PSD3: variants seen among roughly 807,000 people sequenced by gnomAD.
PSD3 encodes pleckstrin and Sec7 domain containing 3.
PSD3 carries 49 observed loss-of-function variants against 105.5 expected under a neutral mutation model. The ratio of observed to expected loss-of-function variants is 0.46; its 90% CI spans 0.37 to 0.59. PSD3 has a LOEUF of 0.59. Among genes scored for constraint, PSD3 ranks in the 20% least tolerant of loss-of-function variants. The pLI is 0.00. For synonymous variants in PSD3, 557 were observed against 457.8 expected (o/e 1.22, Z -2.77); for missense variants, 1,561 against 1,263.8 (o/e 1.24, Z -3.57).
Position 18,623,448 on chromosome 8 carries a change from CA to C in PSD3, c.2410+9164del, listed in dbSNP as rs1415289898. Among the ~76,000 whole-genome samples, 54 of 67,480 alleles carry C rather than the reference CA, an allele frequency of 8.0e-4. 6 individuals carry two copies. Among genetic ancestry groups the C allele is most frequent in the East Asian group, 6.6e-3 (13 of 1,964 alleles). 44.3% of individuals were successfully genotyped at this position (67,480 alleles called of 152,430 possible). On this transcript the variant is annotated intron_variant, in intron 11 of 15. Transcript: ENST00000327040. ...GCAATATAGTCAGCCCCCGTCTCCCCAAAAAAAAAAAAAAAAAAAAAAGAAA... is the reference window on the plus strand; with the variant it reads ...GCAATATAGTCAGCCCCCGTCTCCCCAAAAAAAAAAAAAAAAAAAAAGAAA...
chr8:18,683,680 G>C (rs1800504596), intron 9 of PSD3: 1 of 693,802 alleles, frequency 1.4e-6, no homozygotes, highest in Non-Finnish European at 2.6e-6. Context: ...TACTTTCTCA[G>C]TCTATCACTG....
chr8:18,765,521 C>A lies in PSD3; in HGVS notation c.2100G>T (p.Met700Ile). 6.2e-7 allele frequency: 1 copy of A among 1,610,048 alleles called. No homozygotes were observed. The highest frequency in any genetic ancestry group is 1.1e-5 in the South Asian group (1 of 90,962). ...DLHGHNIGKK[M>I]TCQEFIANLQ... Reference sequence around the variant, plus strand: ...GATTTGCAATGAACTCCTGACAGGTCATCTTCTTTCCAATATTCTGAAACA... The same window carrying A: ...GATTTGCAATGAACTCCTGACAGGTAATCTTCTTTCCAATATTCTGAAACA... Residue 700 changes from methionine (M) to isoleucine (I), a missense_variant, in exon 9 of 16, where the codon ATG (methionine) becomes ATT (isoleucine). Coordinates refer to ENST00000327040, the MANE Select transcript of PSD3 (RefSeq NM_015310.4).
intron 9 of PSD3, among the ~76,000 whole-genome samples, chr8:18,744,467 T>C (rs1241733451): frequency 6.6e-6 from 1 of 152,268 alleles, no homozygotes; most frequent in African/African-American, 2.4e-5. Context: ...GAATAAAGTA[T>C]AACTGATGTA....
At chr8:18,762,827 A>G in intron 9 of PSD3, 1 of 761,158 alleles carries the variant, frequency 1.3e-6, no homozygotes, top group Non-Finnish European at 1.8e-6. Context: ...AAATATGTCA[A>G]GGTCTATTTT....
At chr8:18,818,591 T>G (rs1456969896) in intron 4 of PSD3, among the ~76,000 whole-genome samples, 1 of 152,072 alleles carries the variant, frequency 6.6e-6, no homozygotes, top group Non-Finnish European at 1.5e-5. Context: ...ATTCAGTTAT[T>G]GGGCACAAGA....
chr8:18,556,163 A>G (rs376632156), intron 15 of PSD3, 46 bp downstream of exon 15: 4 of 1,603,632 alleles, frequency 2.5e-6, no homozygotes, highest in Non-Finnish European at 3.4e-6. Context: ...ACAGATCATA[A>G]GAAAACTCAG....
At chr8:18,991,978 A>T (rs1395897438) in intron 1 of PSD3, among the ~76,000 whole-genome samples, 1 of 152,212 alleles carries the variant, frequency 6.6e-6, no homozygotes, top group Non-Finnish European at 1.5e-5. Context: ...GAAGAAACTG[A>T]GGCTCAGAAA....
intron 13 of PSD3, 93 bp from the exon 14 acceptor site, chr8:18,572,765 G>A (rs1455034643): frequency 3.6e-6 from 5 of 1,395,182 alleles, no homozygotes; most frequent in East Asian, 2.3e-5. Flanking sequence ...GCAATGGCAT[G>A]TGAAAATCAT....
intron 2 of PSD3, among the ~76,000 whole-genome samples, chr8:18,891,353 C>T (rs957687740): frequency 1.3e-5 from 2 of 152,056 alleles, no homozygotes; most frequent in Non-Finnish European, 2.9e-5. Context: ...AATGCGTTTT[C>T]GTTCGCTTCC....
intron 4 of PSD3, among the ~76,000 whole-genome samples, chr8:18,825,701 G>C (rs1475867122): frequency 6.6e-6 from 1 of 152,116 alleles, no homozygotes; most frequent in African/African-American, 2.4e-5. Flanking sequence ...TATTTTCAAT[G>C]GACTGAGAAC....
chr8:19,041,002 C>T (rs974354736), intron 1 of PSD3, among the ~76,000 whole-genome samples: 14 of 152,190 alleles, frequency 9.2e-5, no homozygotes, highest in African/African-American at 3.1e-4. Context: ...AAGTGATCCT[C>T]TTGCCTCAGC....
intron 2 of PSD3, among the ~76,000 whole-genome samples, chr8:18,904,699 C>A (rs2129461889): frequency 6.6e-6 from 1 of 152,322 alleles, no homozygotes; most frequent in South Asian, 2.1e-4. Flanking sequence ...TCAAGGTCAG[C>A]AAATTTTTTT....
chr8:18,581,425 T>G (rs1463337660), intron 12 of PSD3, among the ~76,000 whole-genome samples: 1 of 152,178 alleles, frequency 6.6e-6, no homozygotes, highest in East Asian at 1.9e-4. Flanking sequence ...AGTGTGCTCT[T>G]ACTTAGCTAT....
At chr8:18,591,329 G>C (rs186614310) in intron 12 of PSD3, among the ~76,000 whole-genome samples, 2 of 152,226 alleles carry the variant, frequency 1.3e-5, no homozygotes, top group African/African-American at 4.8e-5. Context: ...GCTTAATCTT[G>C]GTTCAATTGG....
intron 1 of PSD3, among the ~76,000 whole-genome samples, chr8:18,988,971 A>C (rs1209004878): frequency 4.6e-5 from 7 of 152,202 alleles, no homozygotes; most frequent in Admixed American, 4.6e-4. Context: ...TGTGACTGTC[A>C]CTGTGTTCTA....
intron 9 of PSD3, among the ~76,000 whole-genome samples, chr8:18,661,296 C>A (rs1809329422): frequency 6.6e-6 from 1 of 152,244 alleles, no homozygotes; most frequent in South Asian, 2.1e-4. Context: ...ATGACACCAT[C>A]CGTACCACAA....
chr8:19,042,939 G>A (rs1286782466), intron 1 of PSD3, among the ~76,000 whole-genome samples: 1 of 152,152 alleles, frequency 6.6e-6, no homozygotes, highest in Non-Finnish European at 1.5e-5. Flanking sequence ...AATTGTACCA[G>A]TGAGCTGGCC....
Position 18,783,656 on chromosome 8 carries a change from C to T in PSD3, c.2082+15639G>A, listed in dbSNP as rs368888282. 5.3e-5 allele frequency among the ~76,000 whole-genome samples: 8 copies of T among 152,228 alleles called. No individual in the cohort carries two copies. The East Asian group carries it at 1.2e-3, about 22-fold the overall frequency. On this transcript the variant is annotated intron_variant, in intron 8 of 15. Transcript: ENST00000327040. ...TTTGCTTTTTTTGTTGTTGTTGAGA[C>T]GTAGTCTTGCTCTGTTGCCCAGGCT...
chr8:18,881,323 T>A (rs894096996), intron 2 of PSD3, among the ~76,000 whole-genome samples: 1 of 152,144 alleles, frequency 6.6e-6, no homozygotes, highest in African/African-American at 2.4e-5. Context: ...TGTAATAAAA[T>A]GAAATGAAAT....
Sources: allele counts gnomAD v4.1 joint callset (sites outside exome capture counted in the v4.1 genomes callset), GRCh38; gene constraint gnomAD v4.1.1; transcripts MANE v1.5; gene names NCBI Gene and HGNC (gene_info 2026-07-23, HGNC 2026-07-21).